GLG1: variants seen among roughly 807,000 people sequenced by gnomAD.
GLG1 encodes Golgi apparatus protein 1.
A neutral mutation model predicts 160.5 loss-of-function variants in GLG1; 38 were observed. The observed-to-expected ratio is 0.24, with a 90% CI of 0.18 to 0.31. GLG1 has a LOEUF of 0.31. GLG1 is among the 10% of genes least tolerant of loss of function. The pLI is 1.00. For synonymous variants in GLG1, 644 were observed against 543.4 expected, an observed-to-expected ratio of 1.19 and a Z score of -2.57; for missense variants, 1,373 against 1,505.2, an observed-to-expected ratio of 0.91 and a Z score of 1.45.
At chr16:74,491,427 CATGAA>C (rs1401598772) in intron 7 of GLG1, among the ~76,000 whole-genome samples, 4 of 152,166 alleles carry the variant, frequency 2.6e-5, no homozygotes, top group African/African-American at 4.8e-5. Flanking sequence ...CACTGTTCTG[CATGAA>C]ACAGGTTTTA....
intron 4 of GLG1, among the ~76,000 whole-genome samples, chr16:74,497,994 T>A (rs888959728): frequency 6.6e-6 from 1 of 152,182 alleles, no homozygotes; most frequent in Non-Finnish European, 1.5e-5. Context: ...ATCATCCCCA[T>A]AGCAACCACA....
chr16:74,497,094 C>T (rs1011148810), intron 4 of GLG1, among the ~76,000 whole-genome samples: 3 of 151,948 alleles, frequency 2.0e-5, no homozygotes, highest in African/African-American at 7.3e-5. Flanking sequence ...GCCTGGCCAA[C>T]ATGGTGAAGG....
At chr16:74,563,880 T>TGGG (rs2018576771) in intron 1 of GLG1, among the ~76,000 whole-genome samples, 1 of 152,244 alleles carries the variant, frequency 6.6e-6, no homozygotes, top group African/African-American at 2.4e-5. Flanking sequence ...TTGCTCAAGG[T>TGGG]TGCCTACTGG....
Position 74,452,177 on chromosome 16 carries a change from T to C in GLG1, c.*990A>G. ...AGTCAAACCTCTGGCTCCCACTTCCTGACCCACTGCTCCCCACACCCATCT... is the reference window on the plus strand; with the variant it reads ...AGTCAAACCTCTGGCTCCCACTTCCCGACCCACTGCTCCCCACACCCATCT... On this transcript the variant is annotated 3_prime_UTR_variant, in exon 26 of 26. Transcript: ENST00000422840. 2 of 1,601,786 alleles carry C rather than the reference T, an allele frequency of 1.2e-6. No homozygotes were observed. The highest frequency in any genetic ancestry group is 1.1e-5 in the South Asian group (1 of 89,878).
intron 1 of GLG1, among the ~76,000 whole-genome samples, chr16:74,540,624 C>G (rs1215223117): frequency 1.3e-5 from 2 of 151,402 alleles, no homozygotes; most frequent in Non-Finnish European, 2.9e-5. Flanking sequence ...AGTCTACTAT[C>G]TGAAAATTTT....
chr16:74,451,955 A>G lies in GLG1; in HGVS notation c.*1212T>C, dbSNP rs1417271634. ...AAATGGACAGAAAGAAAAAAAACAGAGCAAATCCTCCATCTTTTAATGTGA... is the reference window on the plus strand; with the variant it reads ...AAATGGACAGAAAGAAAAAAAACAGGGCAAATCCTCCATCTTTTAATGTGA... On this transcript the variant is annotated 3_prime_UTR_variant, in exon 26 of 26. Coordinates refer to ENST00000422840, the MANE Select transcript of GLG1 (RefSeq NM_001145667.2). The G allele has an allele frequency of 7.9e-6, 7 of 884,718 alleles. No homozygotes were observed. Among genetic ancestry groups the G allele is most frequent in the Admixed American group, 5.7e-5 (3 of 52,586 alleles). The allele number at this position is 884,718 out of a possible 1,614,324, so 54.8% of individuals were successfully genotyped here.
chr16:74,473,662 G>T (rs1048437180), intron 13 of GLG1, among the ~76,000 whole-genome samples: 21 of 151,890 alleles, frequency 1.4e-4, no homozygotes, highest in African/African-American at 5.1e-4. Flanking sequence ...GGATGGTCTC[G>T]ATCTCCTGAC....
chr16:74,596,991 A>G (rs1161256905), intron 1 of GLG1, among the ~76,000 whole-genome samples: 1 of 152,068 alleles, frequency 6.6e-6, no homozygotes, highest in African/African-American at 2.4e-5. Flanking sequence ...GAGTATGGTT[A>G]CTACTAAGGA....
rs562905876 is a variant in GLG1, at chr16:74,479,427, G to A, written c.1827+814C>T. On this transcript the variant is annotated intron_variant, in intron 11 of 25. Transcript: ENST00000422840. ...ATGTGGGAGCCCCCATGGTTAATGA[G>A]AGGCTCATTATATGGAGAGAAAAAA... Among the ~76,000 whole-genome samples the A allele has an allele frequency of 2.6e-3, 385 of 148,924 alleles. 3 individuals are homozygous for A. The highest frequency in any genetic ancestry group is 4.2e-3 in the Non-Finnish European group (284 of 67,318).
At chr16:74,488,865 T>C (rs990243174) in intron 8 of GLG1, among the ~76,000 whole-genome samples, 2 of 152,126 alleles carry the variant, frequency 1.3e-5, no homozygotes, top group African/African-American at 4.8e-5. Context: ...GTGATCTGCC[T>C]GCCTTGGCCT....
chr16:74,516,037 G>C (rs1174148486), intron 2 of GLG1, among the ~76,000 whole-genome samples: 1 of 151,562 alleles, frequency 6.6e-6, no homozygotes, highest in Non-Finnish European at 1.5e-5. Context: ...CAATACAGGA[G>C]CACCCAGATT....
At chr16:74,490,071 T>G (rs549021624) in intron 8 of GLG1, among the ~76,000 whole-genome samples, 1 of 152,196 alleles carries the variant, frequency 6.6e-6, no homozygotes, top group Non-Finnish European at 1.5e-5. Flanking sequence ...TATTCTAGGA[T>G]ATAAAGCGAA....
chr16:74,607,014 G>C lies in GLG1; in HGVS notation c.81C>G (p.Ala27=), dbSNP rs765797620. The C allele has an allele frequency of 8.1e-6, 13 of 1,600,636 alleles. No individual in the cohort carries two copies. Among genetic ancestry groups the C allele is most frequent in the Middle Eastern group, 1.6e-4 (1 of 6,064 alleles). ...GGACGCCCTGGCCGGGGAGTTTCTC[G>C]GCCCCGGCCGCGAATAGCAGCAGCA... is the stretch of plus-strand genomic sequence containing the variant. ...LHLLLLFAAG[A]EKLPGQGVHS... The change falls in exon 1 of 26, where the codon GCC becomes GCG. Residue 27 remains alanine, a synonymous_variant. Coordinates refer to ENST00000422840, the MANE Select transcript of GLG1 (RefSeq NM_001145667.2).
At chr16:74,557,443 A>G (rs2018384152) in intron 1 of GLG1, among the ~76,000 whole-genome samples, 1 of 152,124 alleles carries the variant, frequency 6.6e-6, no homozygotes, top group South Asian at 2.1e-4. Context: ...GAGGGGCCAG[A>G]GCATAGGCTT....
intron 1 of GLG1, among the ~76,000 whole-genome samples, chr16:74,598,335 C>G (rs1249132147): frequency 2.0e-5 from 3 of 151,042 alleles, no homozygotes; most frequent in East Asian, 4.0e-4. Flanking sequence ...TCCTGGCCAA[C>G]ATGGTGAAAC....
At chr16:74,465,560 C>G in intron 19 of GLG1, 116 bp downstream of exon 19, 1 of 1,008,256 alleles carries the variant, frequency 9.9e-7, no homozygotes, top group South Asian at 1.5e-5. Context: ...GCTGCTGCTG[C>G]TGCTCGTCTA....
chr16:74,520,932 A>C (rs1389813606), intron 2 of GLG1, among the ~76,000 whole-genome samples: 4 of 152,178 alleles, frequency 2.6e-5, no homozygotes, highest in Non-Finnish European at 5.9e-5. Flanking sequence ...GCCTTCAAGG[A>C]GTTTACATTC....
chr16:74,484,714 C>T (rs921624026), intron 9 of GLG1, among the ~76,000 whole-genome samples: 3 of 151,806 alleles, frequency 2.0e-5, no homozygotes, highest in African/African-American at 4.9e-5. Context: ...CAGCACTAAG[C>T]GAGATTGCGC....
Position 74,575,570 on chromosome 16 carries a change from T to C in GLG1, c.438+31087A>G, listed in dbSNP as rs544710990. On this transcript the variant is annotated intron_variant, in intron 1 of 25. Transcript: ENST00000422840. Reference sequence around the variant, plus strand: ...CATACAACCAACTGTAACACCAAAATACAGCCTCAAAGATCTCTCGCTCTG... The same window carrying C: ...CATACAACCAACTGTAACACCAAAACACAGCCTCAAAGATCTCTCGCTCTG... Among the ~76,000 whole-genome samples, 7 of 152,192 alleles carry C rather than the reference T, an allele frequency of 4.6e-5. No homozygotes were observed. The East Asian group carries it at 1.4e-3, about 30-fold the overall frequency.
Sources: allele counts gnomAD v4.1 joint callset (sites outside exome capture counted in the v4.1 genomes callset), GRCh38; gene constraint gnomAD v4.1.1; transcripts MANE v1.5; gene names NCBI Gene and HGNC (gene_info 2026-07-23, HGNC 2026-07-21).